GPC3: variants seen among roughly 807,000 people sequenced by gnomAD.
GPC3 encodes glypican-3.
GPC3 carries 3 observed loss-of-function variants against 34.4 expected under a neutral mutation model. The observed-to-expected ratio is 0.09, with a 90% CI of 0.04 to 0.23. The LOEUF is 0.23. Ranked by LOEUF, GPC3 falls within the 10% of genes least tolerant of loss-of-function variation. The probability of loss-of-function intolerance (pLI) is 1.00; values close to 1 mark genes in which losing one functional copy is unlikely to be tolerated. For synonymous variants in GPC3, 177 were observed against 174.0 expected, an observed-to-expected ratio of 1.02 and a Z score of -0.13; for missense variants, 351 against 445.6, an observed-to-expected ratio of 0.79 and a Z score of 1.91.
At chrX:133,766,314 C>T (rs758484707) in intron 2 of GPC3, among the ~76,000 whole-genome samples, 1 of 111,964 alleles carries the variant, frequency 8.9e-6, no homozygotes, top group Non-Finnish European at 1.9e-5. Context: ...AGTGTACACT[C>T]TCTGCTAGAC....
intron 6 of GPC3, among the ~76,000 whole-genome samples, chrX:133,643,555 A>T (rs1408169656): frequency 1.8e-5 from 2 of 112,107 alleles, no homozygotes; most frequent in Non-Finnish European, 3.8e-5. Context: ...AATGAAAATT[A>T]CTGTAATACT....
At chrX:133,786,491 C>T (rs189129085) in intron 2 of GPC3, among the ~76,000 whole-genome samples, 2 of 112,730 alleles carry the variant, frequency 1.8e-5, no homozygotes, top group African/African-American at 6.4e-5. Flanking sequence ...AAGGGGTCCC[C>T]GGAGAATCTC....
intron 2 of GPC3, among the ~76,000 whole-genome samples, chrX:133,860,058 G>A (rs762939096): frequency 9.0e-6 from 1 of 111,281 alleles, no homozygotes; most frequent in African/African-American, 3.3e-5. Context: ...CACCAAGCCT[G>A]TTCATGAGGG....
chrX:133,959,817 C>T (rs765887851), intron 1 of GPC3, among the ~76,000 whole-genome samples: 6 of 112,023 alleles, frequency 5.4e-5, no homozygotes, highest in East Asian at 2.8e-4. Flanking sequence ...AGTTGGTATA[C>T]GGTTACGTGA....
In GPC3 at chrX:133,657,898, C is replaced by CAGAGAGAGAGAG. The variant is rs749162174; in HGVS notation, c.1413+3820_1413+3831dup. 3.7e-3 allele frequency among the ~76,000 whole-genome samples: 317 copies of CAGAGAGAGAGAG among 85,525 alleles called. 6 individuals are homozygous for CAGAGAGAGAGAG. Among genetic ancestry groups the CAGAGAGAGAGAG allele is most frequent in the African/African-American group, 0.015 (297 of 20,008 alleles). 74.3% of individuals were successfully genotyped at this position (85,525 alleles called of 115,157 possible). On this transcript the variant is annotated intron_variant, in intron 6 of 7. Coordinates refer to ENST00000370818, the MANE Select transcript of GPC3 (RefSeq NM_004484.4). ...GATGGACGCACATGGGGCATACATGCAGAGAGAGAGAGAGAGAGAGAGAGA... is the reference window on the plus strand; with the variant it reads ...GATGGACGCACATGGGGCATACATGCAGAGAGAGAGAGAGAGAGAGAGAGAGAGAGAGAGAGA...
intron 3 of GPC3, among the ~76,000 whole-genome samples, chrX:133,747,161 T>C (rs1236983795): frequency 8.9e-6 from 1 of 111,930 alleles, no homozygotes; most frequent in African/African-American, 3.2e-5. Context: ...ACTGGAGATC[T>C]GATGTTCTTC....
chrX:133,941,474 C>T (rs1301343362), intron 2 of GPC3, among the ~76,000 whole-genome samples: 1 of 112,750 alleles, frequency 8.9e-6, no homozygotes, highest in Admixed American at 9.4e-5. Flanking sequence ...ATAACAACTA[C>T]ACTAGTCACT....
intron 2 of GPC3, among the ~76,000 whole-genome samples, chrX:133,769,947 T>C (rs764073105): frequency 8.9e-6 from 1 of 112,307 alleles, no homozygotes; most frequent in African/African-American, 3.2e-5. Context: ...CATAAAGCAG[T>C]GACTCAGCCA....
intron 1 of GPC3, among the ~76,000 whole-genome samples, chrX:133,980,959 C>T (rs2076535726): frequency 8.9e-6 from 1 of 112,468 alleles, no homozygotes; most frequent in African/African-American, 3.2e-5. Context: ...TTGGATACAA[C>T]CTACCAGCCC....
chrX:133,563,669 C>A (rs1468254011), intron 7 of GPC3, among the ~76,000 whole-genome samples: 1 of 111,873 alleles, frequency 8.9e-6, no homozygotes, highest in Non-Finnish European at 1.9e-5. Context: ...GAAAAACAAG[C>A]CAGCACATGG....
chrX:133,888,612 C>T (rs1289625926), intron 2 of GPC3, among the ~76,000 whole-genome samples: 1 of 111,910 alleles, frequency 8.9e-6, no homozygotes, highest in East Asian at 2.8e-4. Context: ...TAATGATTGC[C>T]ATTCTAATTG....
intron 2 of GPC3, among the ~76,000 whole-genome samples, chrX:133,944,898 G>A (rs2076361142): frequency 9.0e-6 from 1 of 111,225 alleles, no homozygotes; most frequent in Non-Finnish European, 1.9e-5. Flanking sequence ...GAGAGAAGTG[G>A]CCTGCCCTTG....
chrX:133,645,617 G>C (rs1295467782), intron 6 of GPC3, among the ~76,000 whole-genome samples: 1 of 110,839 alleles, frequency 9.0e-6, no homozygotes, highest in Non-Finnish European at 1.9e-5. Context: ...TTTTCATCTA[G>C]AAGGGAGCAC....
chrX:133,829,107 A>G (rs1031228704), intron 2 of GPC3, among the ~76,000 whole-genome samples: 2 of 112,199 alleles, frequency 1.8e-5, no homozygotes, highest in Non-Finnish European at 3.8e-5. Flanking sequence ...ATTCAAAGAC[A>G]CAAATAGATT....
intron 1 of GPC3, among the ~76,000 whole-genome samples, chrX:133,963,392 C>T (rs1266384283): frequency 1.8e-5 from 2 of 111,999 alleles, no homozygotes; most frequent in Non-Finnish European, 3.8e-5. Flanking sequence ...GCCTCAGTTT[C>T]CTTACCTATA....
intron 2 of GPC3, among the ~76,000 whole-genome samples, chrX:133,766,791 T>G (rs1273425891): frequency 8.9e-6 from 1 of 112,228 alleles, no homozygotes; most frequent in Non-Finnish European, 1.9e-5. Flanking sequence ...TTTTTTCCAT[T>G]ATGTCCATCT....
chrX:133,848,848 G>A (rs747839646), intron 2 of GPC3, among the ~76,000 whole-genome samples: 1 of 110,532 alleles, frequency 9.0e-6, no homozygotes, highest in South Asian at 3.9e-4. Flanking sequence ...TAGAGGTTTA[G>A]AGAAAAAGAA....
chrX:133,818,978 C>T (rs1201360589), intron 2 of GPC3, among the ~76,000 whole-genome samples: 2 of 109,946 alleles, frequency 1.8e-5, no homozygotes, highest in Non-Finnish European at 3.8e-5. Context: ...TTTTTCTCTA[C>T]TGATGGATTT....
At chrX:133,836,859 C>T (rs929432223) in intron 2 of GPC3, among the ~76,000 whole-genome samples, 28 of 111,700 alleles carry the variant, frequency 2.5e-4, no homozygotes, top group Admixed American at 7.6e-4. Flanking sequence ...CCATCTTGGC[C>T]CTAGTCTGTG....
Sources: gnomAD v4.1 joint callset for allele counts (sites outside exome capture counted in the v4.1 genomes callset) on GRCh38, gnomAD v4.1.1 for gene constraint, MANE v1.5 for transcripts, NCBI Gene and HGNC (gene_info 2026-07-23, HGNC 2026-07-21) for gene names.